The following EIF2B3 variants were observed in gnomAD, a reference collection of about 807,000 sequenced individuals.
EIF2B3 encodes translation initiation factor eIF2B subunit gamma.
EIF2B3 carries 20 observed loss-of-function variants against 54.1 expected under a neutral mutation model. That is an observed-to-expected ratio of 0.37 (90% confidence interval 0.26 to 0.54). EIF2B3 has a LOEUF of 0.54. Ranked by LOEUF, EIF2B3 falls within the 20% of genes least tolerant of loss-of-function variation. The probability of loss-of-function intolerance (pLI) is 0.86; values close to 1 mark genes in which losing one functional copy is unlikely to be tolerated. For missense variants in EIF2B3, 448 were observed against 547.8 expected (o/e 0.82, Z 1.82); for synonymous variants, 153 against 188.1 (o/e 0.81, Z 1.52).
chr1:44,915,725 T>C (rs555484225), intron 5 of EIF2B3, among the ~76,000 whole-genome samples: 25 of 152,178 alleles, frequency 1.6e-4, no homozygotes, highest in Non-Finnish European at 3.1e-4. Flanking sequence ...CATATACAAA[T>C]AGATGTACTG....
intron 3 of EIF2B3, among the ~76,000 whole-genome samples, chr1:44,963,942 G>T (rs72676586): frequency 0.031 from 4,665 of 152,164 alleles, 126 homozygotes; most frequent in Non-Finnish European, 0.04. Flanking sequence ...CTCAAACACA[G>T]GGCTTGCAAG....
At chr1:44,907,727 CCT>C (rs1643440984) in intron 5 of EIF2B3, among the ~76,000 whole-genome samples, 1 of 151,532 alleles carries the variant, frequency 6.6e-6, no homozygotes, top group Non-Finnish European at 1.5e-5. Flanking sequence ...ATGGAGAAAC[CCT>C]GTCTCTATTA....
intron 6 of EIF2B3, among the ~76,000 whole-genome samples, chr1:44,887,378 C>A (rs1489246252): frequency 6.6e-6 from 1 of 152,180 alleles, no homozygotes; most frequent in African/African-American, 2.4e-5. Flanking sequence ...TAGGAAAAAT[C>A]ATTGGCTAAA....
At chr1:44,952,834 G>C (rs1164689165) in intron 3 of EIF2B3, among the ~76,000 whole-genome samples, 2 of 152,006 alleles carry the variant, frequency 1.3e-5, no homozygotes, top group Admixed American at 6.6e-5. Flanking sequence ...TTACAGGCAT[G>C]AGCCACCACG....
intron 2 of EIF2B3, among the ~76,000 whole-genome samples, chr1:44,979,397 G>A (rs920733355): frequency 1.6e-4 from 24 of 147,188 alleles, no homozygotes; most frequent in African/African-American, 5.8e-4. Flanking sequence ...AACACTCTGG[G>A]AAGCCAAGGC....
intron 6 of EIF2B3, among the ~76,000 whole-genome samples, chr1:44,890,077 C>T (rs1655744941): frequency 6.6e-6 from 1 of 152,144 alleles, no homozygotes; most frequent in Admixed American, 6.5e-5. Context: ...CTCTTGGCCA[C>T]CTAGAAGTTA....
intron 4 of EIF2B3, among the ~76,000 whole-genome samples, chr1:44,935,835 AT>A (rs1197119198): frequency 1.3e-5 from 2 of 151,918 alleles, no homozygotes; most frequent in Non-Finnish European, 2.9e-5. Context: ...ACCTAGTCTA[AT>A]TTTCCCCATC....
intron 5 of EIF2B3, 151 bp from the exon 6 acceptor site, chr1:44,897,595 G>A: frequency 1.5e-6 from 1 of 672,012 alleles, no homozygotes; most frequent in South Asian, 1.7e-5. Context: ...CCAGGACAGT[G>A]GACCCCAGCC....
intron 10 of EIF2B3, among the ~76,000 whole-genome samples, chr1:44,869,226 C>T (rs1001915214): frequency 1.3e-5 from 2 of 152,026 alleles, no homozygotes; most frequent in African/African-American, 4.8e-5. Context: ...GCCTGTAATC[C>T]CAGCACTTTG....
At position 44,941,552 on chromosome 1, in the gene EIF2B3, T is replaced by C. The variant is rs749505713; in HGVS notation, c.408A>G (p.Gln136=). ...ASLAMLMRKG[Q]DSIEPVPGQK... is the part of the protein sequence containing the mutation. Reference sequence around the variant, plus strand: ...GACCGGGAACAGGTTCTATGCTATCTTGGCCTTTTCTCATCAACATAGCAA... The same window carrying C: ...GACCGGGAACAGGTTCTATGCTATCCTGGCCTTTTCTCATCAACATAGCAA... Residue 136 remains glutamine (Q), a synonymous_variant, in exon 4 of 12, where the codon CAA becomes CAG. Transcript: ENST00000360403. The C allele has an allele frequency of 1.2e-6, 2 of 1,614,078 alleles. No homozygotes were observed. Among genetic ancestry groups the C allele is most frequent in the Non-Finnish European group, 1.7e-6 (2 of 1,179,960 alleles).
At chr1:44,868,100 T>C (rs1573689261) in intron 10 of EIF2B3, among the ~76,000 whole-genome samples, 1 of 151,790 alleles carries the variant, frequency 6.6e-6, no homozygotes, top group African/African-American at 2.4e-5. Flanking sequence ...TTTTCTCACA[T>C]AGAAAGCTGT....
intron 4 of EIF2B3, among the ~76,000 whole-genome samples, chr1:44,938,198 T>C (rs1643978283): frequency 6.6e-6 from 1 of 152,098 alleles, no homozygotes; most frequent in Admixed American, 6.5e-5. Flanking sequence ...GCATGCCAAA[T>C]ATATAATCTG....
At chr1:44,852,114 AATTTTTT>A (rs1452151745) in intron 11 of EIF2B3, among the ~76,000 whole-genome samples, 1 of 146,280 alleles carries the variant, frequency 6.8e-6, no homozygotes, top group East Asian at 2.1e-4. Flanking sequence ...ACACATGGCT[AATTTTTT>A]TTTTTTTTTT....
At chr1:44,892,961 C>G (rs1025920339) in intron 6 of EIF2B3, among the ~76,000 whole-genome samples, 3 of 152,264 alleles carry the variant, frequency 2.0e-5, no homozygotes, top group Non-Finnish European at 4.4e-5. Flanking sequence ...CTGCCAGCCT[C>G]TCACAGCACT....
intron 6 of EIF2B3, among the ~76,000 whole-genome samples, chr1:44,890,195 G>C (rs1378656853): frequency 6.6e-6 from 1 of 152,076 alleles, no homozygotes; most frequent in Non-Finnish European, 1.5e-5. Flanking sequence ...TCTTGATTTT[G>C]GGGGTCTGTT....
chr1:44,964,914 G>T (rs371381626), intron 3 of EIF2B3, among the ~76,000 whole-genome samples: 4 of 152,138 alleles, frequency 2.6e-5, no homozygotes, highest in Non-Finnish European at 1.5e-5. Flanking sequence ...TCACTAACTT[G>T]TTCTCGAGGA....
intron 5 of EIF2B3, among the ~76,000 whole-genome samples, chr1:44,911,248 C>T (rs990030589): frequency 5.9e-5 from 9 of 152,178 alleles, no homozygotes; most frequent in Non-Finnish European, 1.0e-4. Context: ...TATTTTTATG[C>T]ATATTTATCC....
chr1:44,930,353 A>C (rs1036080756), intron 4 of EIF2B3, among the ~76,000 whole-genome samples: 1 of 152,230 alleles, frequency 6.6e-6, no homozygotes, highest in Non-Finnish European at 1.5e-5. Context: ...CGAGTAGATT[A>C]AAAAGGGTCA....
At chr1:44,971,351 C>A (rs1181449340) in intron 3 of EIF2B3, among the ~76,000 whole-genome samples, 1 of 141,428 alleles carries the variant, frequency 7.1e-6, no homozygotes, top group Non-Finnish European at 1.5e-5. Context: ...GCCTGGGCTA[C>A]AGAGCGAGAC....
Sources: allele counts gnomAD v4.1 joint callset (sites outside exome capture counted in the v4.1 genomes callset), GRCh38; gene constraint gnomAD v4.1.1; transcripts MANE v1.5; gene names NCBI Gene and HGNC (gene_info 2026-07-23, HGNC 2026-07-21).